DNAH12: variants seen among roughly 807,000 people sequenced by gnomAD.
DNAH12 encodes the protein dynein axonemal heavy chain 12, also known as axonemal beta dynein heavy chain 12.
In DNAH12, 285 loss-of-function variants were observed where a neutral mutation model predicts 371.5. The ratio of observed to expected loss-of-function variants is 0.77; its 90% confidence interval spans 0.70 to 0.85. The LOEUF (loss-of-function observed/expected upper bound fraction) is 0.85. Ranked by LOEUF, DNAH12 falls within the 40% of genes least tolerant of loss-of-function variation. The pLI is 0.00. For synonymous variants in DNAH12, 1,200 were observed against 1,213.0 expected, an observed-to-expected ratio of 0.99 and a Z score of 0.22; for missense variants, 3,611 against 3,689.4, an observed-to-expected ratio of 0.98 and a Z score of 0.55.
intron 55 of DNAH12, among the ~76,000 whole-genome samples, chr3:57,369,425 T>C (rs1289596301): frequency 2.7e-5 from 4 of 150,614 alleles, no homozygotes; most frequent in African/African-American, 9.7e-5. Flanking sequence ...CCATTCTCTT[T>C]CTATTCCAAC....
At chr3:57,322,608 G>T in intron 64 of DNAH12, 125 bp from the exon 65 acceptor site, 1 of 1,165,160 alleles carries the variant, frequency 8.6e-7, no homozygotes, top group Non-Finnish European at 1.2e-6. Context: ...AACCTCTTAA[G>T]GTTAAGCATC....
intron 53 of DNAH12, among the ~76,000 whole-genome samples, chr3:57,376,603 A>G (rs1351608963): frequency 6.6e-6 from 1 of 152,200 alleles, no homozygotes; most frequent in Non-Finnish European, 1.5e-5. Context: ...AGATCAAGCC[A>G]GTTATATCTT....
intron 66 of DNAH12, among the ~76,000 whole-genome samples, chr3:57,311,197 TC>T (rs1474303002): frequency 6.6e-6 from 1 of 152,164 alleles, no homozygotes; most frequent in Non-Finnish European, 1.5e-5. Context: ...TGCCTCAGCC[TC>T]CCAGGTAGCT....
the DNAH12 span, among the ~76,000 whole-genome samples, chr3:57,552,860 A>G: frequency 6.6e-6 from 1 of 152,120 alleles, no homozygotes; most frequent in Non-Finnish European, 1.5e-5. Flanking sequence ...AGCCTGGGTG[A>G]CAGAATGAGA....
intron 2 of DNAH12, among the ~76,000 whole-genome samples, chr3:57,533,613 C>T (rs1223053280): frequency 6.6e-6 from 1 of 152,202 alleles, no homozygotes; most frequent in Non-Finnish European, 1.5e-5. Context: ...AGCAGGTTCC[C>T]TTCTGGCCAA....
chr3:57,462,917 C>G (rs1403481070), intron 17 of DNAH12, 42 bp from the exon 18 acceptor site: 7 of 1,373,116 alleles, frequency 5.1e-6, no homozygotes, highest in Non-Finnish European at 3.0e-6. Flanking sequence ...ACTCATTTGA[C>G]TTCCACACAC....
intron 22 of DNAH12, among the ~76,000 whole-genome samples, chr3:57,456,785 T>A (rs1231727057): frequency 6.6e-6 from 1 of 152,116 alleles, no homozygotes; most frequent in Non-Finnish European, 1.5e-5. Context: ...CCTCCACAAA[T>A]CTGCTTCTCC....
At chr3:57,372,944 T>C (rs2063205777) in intron 55 of DNAH12, among the ~76,000 whole-genome samples, 1 of 152,134 alleles carries the variant, frequency 6.6e-6, no homozygotes, top group Non-Finnish European at 1.5e-5. Context: ...AAGTCCTCAC[T>C]AAAATTAGAA....
chr3:57,397,406 C>T (rs2063767004), intron 43 of DNAH12, among the ~76,000 whole-genome samples: 1 of 152,180 alleles, frequency 6.6e-6, no homozygotes, highest in Admixed American at 6.5e-5. Flanking sequence ...GAATACCATC[C>T]AAATCATGGC....
In DNAH12 at chr3:57,389,839, T is replaced by TATATATATATATATATATATATATATTAA. The variant is rs1326237791; in HGVS notation, c.7305+2032_7305+2033insTTAATATATATATATATATATATATATAT. Reference sequence around the variant, plus strand: ...GTGTGTGTGTATATATATATATATATAATACTTTTTTTTTTGAAATGGAGT... The same window carrying TATATATATATATATATATATATATATTAA: ...GTGTGTGTGTATATATATATATATATATATATATATATATATATATATATATTAAAATACTTTTTTTTTTGAAATGGAGT... On this transcript the variant is annotated intron_variant, in intron 45 of 73. Coordinates refer to ENST00000495027, the MANE Select transcript of DNAH12 (RefSeq NM_001366028.2). Among the ~76,000 whole-genome samples, 3 of 84,900 alleles carry TATATATATATATATATATATATATATTAA rather than the reference T, an allele frequency of 3.5e-5. No individual in the cohort carries two copies. In the Admixed American group the frequency reaches 3.8e-4, roughly 11 times the overall value. 55.7% of individuals were successfully genotyped at this position (84,900 alleles called of 152,430 possible). A position where few individuals can be genotyped will look rare whatever the true frequency, so the allele number is the denominator to read the frequency against.
intron 11 of DNAH12, among the ~76,000 whole-genome samples, chr3:57,495,621 T>C (rs1220145718): frequency 6.8e-6 from 1 of 146,556 alleles, no homozygotes; most frequent in Admixed American, 6.9e-5. Flanking sequence ...TTTGTATATA[T>C]TATATATATT....
At chr3:57,361,106 T>C (rs2062917823) in intron 58 of DNAH12, among the ~76,000 whole-genome samples, 1 of 151,836 alleles carries the variant, frequency 6.6e-6, no homozygotes, top group African/African-American at 2.4e-5. Flanking sequence ...TCCCTGCACT[T>C]TGGGAGGCCG....
In DNAH12 at chr3:57,377,832, T is replaced by C. The variant is rs888032022; in HGVS notation, c.8224-610A>G. On this transcript the variant is annotated intron_variant, in intron 52 of 73. Coordinates refer to ENST00000495027, the MANE Select transcript of DNAH12 (RefSeq NM_001366028.2). ...GTTATGCTCATCAGGCTATCAAGAA[T>C]GCAGTTTGGCCAACTGGATCACCAA... Among the ~76,000 whole-genome samples, 38 of 152,260 alleles carry C rather than the reference T, an allele frequency of 2.5e-4. 1 individual carries two copies. In the South Asian group the frequency reaches 7.9e-3, roughly 32 times the overall value.
chr3:57,428,381 T>C, intron 34 of DNAH12: 1 of 1,388,408 alleles, frequency 7.2e-7, no homozygotes, highest in Non-Finnish European at 9.7e-7. Context: ...TTAAAATAAT[T>C]TGAAATACGG....
chr3:57,385,139 A>G (rs949028356), intron 48 of DNAH12, 134 bp from the exon 49 acceptor site: 1 of 151,380 alleles, frequency 6.6e-6, no homozygotes, highest in South Asian at 2.1e-4. Flanking sequence ...TAAAATGAGG[A>G]TATACAAATA....
chr3:57,443,177 T>G (rs1039216647), intron 29 of DNAH12, among the ~76,000 whole-genome samples: 1 of 152,198 alleles, frequency 6.6e-6, no homozygotes, highest in African/African-American at 2.4e-5. Flanking sequence ...TGGCGCAATC[T>G]CGGCTCACTG....
At chr3:57,416,466 CAAGT>C (rs1298541361) in intron 37 of DNAH12, among the ~76,000 whole-genome samples, 11 of 152,086 alleles carry the variant, frequency 7.2e-5, no homozygotes, top group Non-Finnish European at 1.3e-4. Flanking sequence ...ACTTATGAAA[CAAGT>C]AATAATATGC....
intron 29 of DNAH12, among the ~76,000 whole-genome samples, chr3:57,442,833 CA>C (rs1447303949): frequency 1.3e-5 from 2 of 151,942 alleles, no homozygotes; most frequent in African/African-American, 4.8e-5. Context: ...AAAAAACAGA[CA>C]AAAAAATAAA....
At chr3:57,385,795 T>C (rs1397738645) in intron 47 of DNAH12, among the ~76,000 whole-genome samples, 1 of 152,066 alleles carries the variant, frequency 6.6e-6, no homozygotes, top group Admixed American at 6.6e-5. Flanking sequence ...GACAGGAGAA[T>C]TGCTTGAACC....
Sources: allele counts gnomAD v4.1 joint callset (sites outside exome capture counted in the v4.1 genomes callset), GRCh38; gene constraint gnomAD v4.1.1; transcripts MANE v1.5; gene names NCBI Gene and HGNC (gene_info 2026-07-23, HGNC 2026-07-21).